CACHD1: variants seen among roughly 807,000 people sequenced by gnomAD.
CACHD1 encodes cache domain containing 1, also known as VWFA and cache domain-containing protein 1.
CACHD1 carries 71 observed loss-of-function variants against 138.7 expected under a neutral mutation model. That is an observed-to-expected ratio of 0.51 (90% CI 0.42 to 0.62). CACHD1 has a LOEUF of 0.62. CACHD1 is among the 20% of genes least tolerant of loss of function. The probability of loss-of-function intolerance (pLI) is 0.00; values close to 1 mark genes in which losing one functional copy is unlikely to be tolerated. For missense variants in CACHD1, 1,389 were observed against 1,625.3 expected (o/e 0.85, Z 2.50); for synonymous variants, 578 against 591.5 (o/e 0.98, Z 0.33).
chr1:64,496,065 G>T (rs1035349225), intron 1 of CACHD1, among the ~76,000 whole-genome samples: 4 of 152,142 alleles, frequency 2.6e-5, no homozygotes, highest in Non-Finnish European at 5.9e-5. Flanking sequence ...TGCCAACCTG[G>T]CCCATGTCCC....
Position 64,673,886 on chromosome 1 carries a change from G to C in CACHD1, c.2727+422G>C, listed in dbSNP as rs1039883425. Among the ~76,000 whole-genome samples, 14 of 152,240 alleles carry C rather than the reference G, an allele frequency of 9.2e-5. 1 individual carries two copies. Among genetic ancestry groups the C allele is most frequent in the Admixed American group, 5.2e-4 (8 of 15,276 alleles). On this transcript the variant is annotated intron_variant, in intron 19 of 26. Transcript: ENST00000651257. ...TTCTTGATCATTTGCTCTATGAGAT[G>C]GGAACTCTTATGTAAATCATCTGAA...
At chr1:64,477,595 T>C (rs1005120686) in intron 1 of CACHD1, among the ~76,000 whole-genome samples, 5 of 141,500 alleles carry the variant, frequency 3.5e-5, no homozygotes, top group African/African-American at 1.4e-4. Flanking sequence ...ATTATTATTA[T>C]TATTATTATT....
At chr1:64,591,612 T>C (rs566711285) in intron 3 of CACHD1, among the ~76,000 whole-genome samples, 1 of 152,350 alleles carries the variant, frequency 6.6e-6, no homozygotes, top group South Asian at 2.1e-4. Context: ...AATTAATTTA[T>C]GAGTTCTTGA....
At chr1:64,589,957 A>C (rs1647084572) in intron 3 of CACHD1, among the ~76,000 whole-genome samples, 1 of 152,088 alleles carries the variant, frequency 6.6e-6, no homozygotes, top group Admixed American at 6.6e-5. Flanking sequence ...TAGACTGGAG[A>C]AGGCTAAACT....
At chr1:64,489,015 T>C (rs368334699) in intron 1 of CACHD1, among the ~76,000 whole-genome samples, 2 of 152,176 alleles carry the variant, frequency 1.3e-5, no homozygotes, top group Admixed American at 6.5e-5. Context: ...TCATGGGAGA[T>C]TGTTCATAAG....
intron 3 of CACHD1, among the ~76,000 whole-genome samples, chr1:64,598,818 A>G (rs550823824): frequency 2.6e-5 from 4 of 151,466 alleles, no homozygotes; most frequent in South Asian, 2.1e-4. Flanking sequence ...TATTGATGCA[A>G]TGGTCTGAAT....
intron 1 of CACHD1, among the ~76,000 whole-genome samples, chr1:64,505,459 C>T (rs1313395453): frequency 6.6e-6 from 1 of 152,122 alleles, no homozygotes; most frequent in African/African-American, 2.4e-5. Flanking sequence ...CGGAGAGCGG[C>T]TCAGCGAAGG....
At chr1:64,681,388 A>T in intron 25 of CACHD1, 53 bp downstream of exon 25, 1 of 1,365,774 alleles carries the variant, frequency 7.3e-7, no homozygotes, top group Non-Finnish European at 1.0e-6. Context: ...GCTAATCCAG[A>T]ATAAATATTC....
chr1:64,651,660 A>G (rs934626337), intron 9 of CACHD1, among the ~76,000 whole-genome samples: 5 of 152,170 alleles, frequency 3.3e-5, no homozygotes, highest in Admixed American at 3.3e-4. Context: ...ATCTCGAAAT[A>G]TTAAAATTAA....
At chr1:64,632,860 T>A in intron 6 of CACHD1, 117 bp downstream of exon 6, 1 of 1,179,286 alleles carries the variant, frequency 8.5e-7, no homozygotes, top group African/African-American at 1.5e-5. Flanking sequence ...GGTTACATCC[T>A]GATAAATCCA....
At chr1:64,471,078 C>T in intron 1 of CACHD1, 136 bp downstream of exon 1, 2 of 783,724 alleles carry the variant, frequency 2.6e-6, no homozygotes, top group Middle Eastern at 2.5e-4. Flanking sequence ...CGTCGGACCC[C>T]TCTGTCCTCT....
chr1:64,676,255 T>C (rs1490080853), intron 21 of CACHD1, among the ~76,000 whole-genome samples: 1 of 152,120 alleles, frequency 6.6e-6, no homozygotes, highest in Non-Finnish European at 1.5e-5. Flanking sequence ...GTTTCAAGCA[T>C]TTACTAAGTG....
rs765218619 is a variant in CACHD1, at chr1:64,634,149, A to G, written c.895A>G (p.Thr299Ala). The change falls in exon 7 of 27, where the codon ACC becomes GCC. Residue 299 changes from threonine to alanine, a missense_variant. Around this residue, in one of 5 missense-constraint regions of CACHD1, gnomAD observed 1,000 missense variants for 1,114.7 expected, o/e 0.90. Transcript: ENST00000651257. ...CAGTGAGACAAAAAGGAAAATGTCC[A>G]CCTTTGTTAGCAGCGTGAAGTCTTC... ...ATSETKRKMS[T>A]FVSSVKSSDS... The G allele has an allele frequency of 1.2e-6, 2 of 1,613,682 alleles. No individual in the cohort carries two copies. Among genetic ancestry groups the G allele is most frequent in the African/African-American group, 1.3e-5 (1 of 74,828 alleles).
chr1:64,648,878 C>A (rs557966190), intron 9 of CACHD1, among the ~76,000 whole-genome samples: 1 of 152,110 alleles, frequency 6.6e-6, no homozygotes, highest in Non-Finnish European at 1.5e-5. Flanking sequence ...TAGAACAATG[C>A]CTGACTAACA....
chr1:64,538,935 C>T (rs1025202557), intron 1 of CACHD1, among the ~76,000 whole-genome samples: 2 of 152,160 alleles, frequency 1.3e-5, no homozygotes, highest in Non-Finnish European at 2.9e-5. Context: ...ATTTTTTGAA[C>T]AAGTATTTCT....
intron 6 of CACHD1, 101 bp downstream of exon 6, chr1:64,632,844 C>G (rs368015922): frequency 1.5e-6 from 2 of 1,318,328 alleles, no homozygotes; most frequent in East Asian, 4.7e-5. Flanking sequence ...CCTTGACTTA[C>G]AATGGGGTTA....
intron 8 of CACHD1, among the ~76,000 whole-genome samples, chr1:64,644,234 T>G (rs12120246): frequency 6.6e-6 from 1 of 152,196 alleles, no homozygotes; most frequent in Non-Finnish European, 1.5e-5. Context: ...CTTTCATTCA[T>G]GAGAGGTAGG....
At chr1:64,520,501 G>A (rs183243169) in intron 1 of CACHD1, among the ~76,000 whole-genome samples, 87 of 152,244 alleles carry the variant, frequency 5.7e-4, no homozygotes, top group African/African-American at 1.8e-3. Flanking sequence ...GTGCATTCCT[G>A]AATATAATGC....
At chr1:64,515,981 A>G (rs1041067465) in intron 1 of CACHD1, among the ~76,000 whole-genome samples, 9 of 152,170 alleles carry the variant, frequency 5.9e-5, no homozygotes, top group African/African-American at 2.2e-4. Flanking sequence ...GGCATGTTTC[A>G]TAGTTTGGAA....
Sources: gnomAD v4.1 joint callset for allele counts (sites outside exome capture counted in the v4.1 genomes callset) on GRCh38, gnomAD v4.1.1 for gene constraint, gnomAD v4.1.1 regional missense constraint, MANE v1.5 for transcripts, NCBI Gene and HGNC (gene_info 2026-07-23, HGNC 2026-07-21) for gene names.